FRMD4A: variants seen among roughly 807,000 people sequenced by gnomAD.
FRMD4A encodes FERM domain containing 4A.
Under a neutral mutation model 129.1 loss-of-function variants are expected in FRMD4A, and 29 were observed. The ratio of observed to expected loss-of-function variants is 0.22; its 90% CI spans 0.17 to 0.31. The LOEUF (loss-of-function observed/expected upper bound fraction) is 0.31. Ranked by LOEUF, FRMD4A falls within the 10% of genes least tolerant of loss-of-function variation. FRMD4A has a pLI of 1.00. For missense variants in FRMD4A, 1,272 were observed against 1,375.8 expected (o/e 0.92, Z 1.19); for synonymous variants, 634 against 571.6 (o/e 1.11, Z -1.56).
At chr10:13,993,751 A>C (rs2095611900) in intron 2 of FRMD4A, among the ~76,000 whole-genome samples, 2 of 152,134 alleles carry the variant, frequency 1.3e-5, no homozygotes, top group African/African-American at 4.8e-5. Context: ...AGCAAAGAGG[A>C]TGTCATCTTC....
intron 2 of FRMD4A, chr10:14,008,563 C>G: frequency 1.1e-6 from 1 of 938,726 alleles, no homozygotes; most frequent in Non-Finnish European, 1.3e-6. Flanking sequence ...CTAATCAAAG[C>G]TCTATCAGAC....
intron 2 of FRMD4A, among the ~76,000 whole-genome samples, chr10:13,913,985 C>T (rs1261007310): frequency 6.6e-6 from 1 of 152,194 alleles, no homozygotes; most frequent in Non-Finnish European, 1.5e-5. Context: ...GTGAACTTGG[C>T]TAGCAGGTGA....
At chr10:14,070,054 C>T (rs2131714799) in intron 2 of FRMD4A, among the ~76,000 whole-genome samples, 1 of 152,296 alleles carries the variant, frequency 6.6e-6, no homozygotes, top group Non-Finnish European at 1.5e-5. Flanking sequence ...CAGCACATTG[C>T]TGCATGTAGA....
At chr10:13,984,633 GT>G (rs1565155432) in intron 2 of FRMD4A, among the ~76,000 whole-genome samples, 1 of 152,116 alleles carries the variant, frequency 6.6e-6, no homozygotes, top group African/African-American at 2.4e-5. Context: ...CATATTATTT[GT>G]TTTTTTGTGA....
intron 2 of FRMD4A, among the ~76,000 whole-genome samples, chr10:14,252,661 G>C (rs1726997374): frequency 1.3e-5 from 2 of 152,206 alleles, no homozygotes; most frequent in African/African-American, 4.8e-5. Context: ...TTCTGGCAAT[G>C]TTAACTTTGA....
intron 3 of FRMD4A, among the ~76,000 whole-genome samples, chr10:13,814,635 A>AAAG (rs2093509425): frequency 6.7e-6 from 1 of 149,342 alleles, no homozygotes; most frequent in African/African-American, 2.5e-5. Context: ...AGAGAGAAAA[A>AAAG]AAAGAAAGAA....
Position 13,695,428 on chromosome 10 carries a change from ACCGCGC to A in FRMD4A, c.976-1395_976-1390del, listed in dbSNP as rs1564630131. ...AGTGCTGGGATTACAGGCGTGAGCC[ACCGCGC>A]CTGGCTAAAGCAGTGGTTTTTATAA... On this transcript the variant is annotated intron_variant, in intron 14 of 24. Transcript: ENST00000357447. 1.2e-4 allele frequency among the ~76,000 whole-genome samples: 19 copies of A among 152,348 alleles called. No homozygotes were observed. In the South Asian group the frequency reaches 3.9e-3, roughly 32 times the overall value.
At chr10:13,684,005 A>G (rs1413045726) in intron 15 of FRMD4A, 1 of 152,128 alleles carries the variant, frequency 6.6e-6, no homozygotes, top group Non-Finnish European at 1.5e-5. Context: ...CACTGCACCC[A>G]GCTGGGTGAC....
chr10:13,788,963 T>C (rs2092931686), intron 5 of FRMD4A, among the ~76,000 whole-genome samples: 1 of 152,188 alleles, frequency 6.6e-6, no homozygotes, highest in Admixed American at 6.5e-5. Context: ...CCCTTCCCCA[T>C]CCAGCCCTGG....
At chr10:14,178,459 C>T (rs1168245429) in intron 2 of FRMD4A, among the ~76,000 whole-genome samples, 1 of 152,126 alleles carries the variant, frequency 6.6e-6, no homozygotes, top group East Asian at 1.9e-4. Flanking sequence ...GCACATTAGT[C>T]CATTTATCAC....
intron 2 of FRMD4A, among the ~76,000 whole-genome samples, chr10:14,098,163 A>G (rs1458536338): frequency 1.4e-5 from 2 of 147,220 alleles, no homozygotes; most frequent in Non-Finnish European, 3.0e-5. Context: ...TATACATATT[A>G]TATATAATTT....
intron 2 of FRMD4A, among the ~76,000 whole-genome samples, chr10:14,263,118 C>T (rs1418874155): frequency 6.6e-6 from 1 of 152,200 alleles, no homozygotes; most frequent in African/African-American, 2.4e-5. Flanking sequence ...ATTCCAATGA[C>T]AGTTTTAATG....
chr10:13,849,589 T>C (rs1377837176), intron 3 of FRMD4A, among the ~76,000 whole-genome samples: 1 of 151,574 alleles, frequency 6.6e-6, no homozygotes, highest in Admixed American at 6.6e-5. Flanking sequence ...CAAGGGATTC[T>C]CCTGCCTCAG....
chr10:14,141,806 C>A (rs1022260756), intron 2 of FRMD4A, among the ~76,000 whole-genome samples: 1 of 136,208 alleles, frequency 7.3e-6, no homozygotes, highest in Non-Finnish European at 1.7e-5. Flanking sequence ...TAGAGGTGTA[C>A]GTGTGCACAT....
intron 9 of FRMD4A, among the ~76,000 whole-genome samples, chr10:13,744,012 T>C (rs1444327060): frequency 6.6e-6 from 1 of 152,138 alleles, no homozygotes; most frequent in African/African-American, 2.4e-5. Context: ...TGATCAAAGC[T>C]GCCTGTGCCC....
chr10:14,137,692 A>T (rs996240155), intron 2 of FRMD4A, among the ~76,000 whole-genome samples: 1 of 152,042 alleles, frequency 6.6e-6, no homozygotes, highest in Non-Finnish European at 1.5e-5. Flanking sequence ...TCTTGTTCAT[A>T]CCCCGCAACC....
chr10:14,035,503 A>C (rs1833457785), intron 2 of FRMD4A, among the ~76,000 whole-genome samples: 1 of 152,190 alleles, frequency 6.6e-6, no homozygotes, highest in East Asian at 1.9e-4. Context: ...ATTAAAGAAA[A>C]GACATTTTAA....
chr10:13,855,489 C>A (rs1178248377), intron 3 of FRMD4A, among the ~76,000 whole-genome samples: 1 of 152,160 alleles, frequency 6.6e-6, no homozygotes, highest in African/African-American at 2.4e-5. Flanking sequence ...GAGAGAAACA[C>A]TTGCTCTAAA....
At chr10:13,944,209 C>T (rs920745737) in intron 2 of FRMD4A, among the ~76,000 whole-genome samples, 12 of 152,154 alleles carry the variant, frequency 7.9e-5, no homozygotes, top group African/African-American at 2.9e-4. Flanking sequence ...GTATTTACAG[C>T]CACTCCCCAT....
Sources: allele counts gnomAD v4.1 joint callset (sites outside exome capture counted in the v4.1 genomes callset), GRCh38; gene constraint gnomAD v4.1.1; transcripts MANE v1.5; gene names NCBI Gene and HGNC (gene_info 2026-07-23, HGNC 2026-07-21).